The following GKN1 variants were observed in gnomAD, a reference collection of about 807,000 sequenced individuals.
GKN1 encodes the protein gastrokine 1, also known as gastrokine-1.
A neutral mutation model predicts 19.7 loss-of-function variants in GKN1; 17 were observed. The ratio of observed to expected loss-of-function variants is 0.86; its 90% CI spans 0.59 to 1.29. GKN1 has a LOEUF of 1.29. GKN1 is among the 50% of genes most tolerant of loss of function. The probability of loss-of-function intolerance (pLI) is 0.00; values close to 1 mark genes in which losing one functional copy is unlikely to be tolerated. For synonymous variants in GKN1, 96 were observed against 78.3 expected (o/e 1.23, Z -1.20); for missense variants, 218 against 224.5 (o/e 0.97, Z 0.19).
chr2:68,977,927 G>T lies in GKN1; in HGVS notation c.204+153G>T. The T allele has an allele frequency of 4.7e-6, 3 of 642,418 alleles. No individual in the cohort carries two copies. The South Asian group carries it at 5.9e-5, about 13-fold the overall frequency. 39.8% of individuals were successfully genotyped at this position (642,418 alleles called of 1,614,324 possible). A position where few individuals can be genotyped will look rare whatever the true frequency, so the allele number is the denominator to read the frequency against. On this transcript the variant is annotated intron_variant, in intron 3 of 5. Coordinates refer to ENST00000377938, the MANE Select transcript of GKN1 (RefSeq NM_019617.4). ...GTAAAGGTGACCATTTTGCTCATCC[G>T]ATTTTGTTCCCTAGAGATAACTACT...
chr2:68,977,447 A>G, intron 1 of GKN1, 48 bp from the exon 2 acceptor site: 1 of 1,207,058 alleles, frequency 8.3e-7, no homozygotes, highest in Non-Finnish European at 1.2e-6. Context: ...AAGAAAGAAG[A>G]CATCATTTTG....
At chr2:68,975,744 C>A (rs577630111) in intron 1 of GKN1, among the ~76,000 whole-genome samples, 1 of 152,138 alleles carries the variant, frequency 6.6e-6, no homozygotes, top group Admixed American at 6.5e-5. Flanking sequence ...ACTCACTTAA[C>A]CCCTGAAGCT....
chr2:68,980,197 C>A, intron 5 of GKN1, 137 bp downstream of exon 5: 1 of 726,112 alleles, frequency 1.4e-6, no homozygotes, highest in Non-Finnish European at 2.5e-6. Flanking sequence ...TTGCTCTGTG[C>A]CAGGTACTGT....
Position 68,980,822 on chromosome 2 carries a change from A to G in GKN1, c.557A>G (p.Ter186=), listed in dbSNP as rs1346446353. The change falls in exon 6 of 6, where the codon TAA becomes TGA. Residue 186 remains the stop codon, a stop_retained_variant. Transcript: ENST00000377938. ...TTCTGTGGAGACACGGTGGAGAACT[A>G]AACAATTTTTTAAAGCCACTATGGA... is the stretch of plus-strand genomic sequence containing the variant. ...ISFCGDTVEN[*] 6.1e-6 allele frequency: 9 copies of G among 1,476,598 alleles called. No individual in the cohort carries two copies. Among genetic ancestry groups the G allele is most frequent in the Non-Finnish European group, 8.5e-6 (9 of 1,054,690 alleles). 91.5% of individuals were successfully genotyped at this position (1,476,598 alleles called of 1,614,324 possible).
At chr2:68,975,744 C>T (rs577630111) in intron 1 of GKN1, among the ~76,000 whole-genome samples, 2 of 152,256 alleles carry the variant, frequency 1.3e-5, no homozygotes, top group East Asian at 1.9e-4. Flanking sequence ...ACTCACTTAA[C>T]CCCTGAAGCT....
intron 4 of GKN1, 151 bp from the exon 5 acceptor site, chr2:68,979,762 C>A (rs1334705616): frequency 3.2e-6 from 2 of 625,542 alleles, no homozygotes. Flanking sequence ...ACAGAATAAG[C>A]TAGAAATGGC....
At chr2:68,975,858 A>G (rs1423288039) in intron 1 of GKN1, among the ~76,000 whole-genome samples, 1 of 152,150 alleles carries the variant, frequency 6.6e-6, no homozygotes, top group Non-Finnish European at 1.5e-5. Context: ...TTTTTAAGCT[A>G]TTGGGAGAAA....
chr2:68,974,978 T>A (rs1472563683), intron 1 of GKN1, among the ~76,000 whole-genome samples: 1 of 148,754 alleles, frequency 6.7e-6, no homozygotes, highest in African/African-American at 2.4e-5. Flanking sequence ...TATCCCTTTT[T>A]TTTAGAAGAA....
In GKN1 at chr2:68,977,710, A is replaced by C; in HGVS notation, c.140A>C (p.Asn47Thr). Residue 47 changes from asparagine to threonine, a missense_variant, in exon 3 of 6, where the codon AAT becomes ACT. By Grantham distance (65) the Asn-to-Thr change is moderately conservative. Coordinates refer to ENST00000377938, the MANE Select transcript of GKN1 (RefSeq NM_019617.4). ...TCAGTGAGTGTCAACAATGAACACA[A>C]TGTGGCCAATGTTGACAATAACAAC... ...QQSVSVNNEH[N>T]VANVDNNNGW... 1 of 1,604,182 alleles carries C rather than the reference A, an allele frequency of 6.2e-7. No individual in the cohort carries two copies.
At chr2:68,978,237 A>G (rs58409886) in intron 3 of GKN1, 1 of 149,184 alleles carries the variant, frequency 6.7e-6, no homozygotes, top group South Asian at 2.2e-4. Context: ...AAGAAGAAAG[A>G]AAGAAGGAAG....
chr2:68,978,239 A>AGAAG (rs1168747344), intron 3 of GKN1: 1 of 144,722 alleles, frequency 6.9e-6, no homozygotes, highest in African/African-American at 2.8e-5. Context: ...GAAGAAAGAA[A>AGAAG]GAAGGAAGGA....
intron 4 of GKN1, 85 bp from the exon 5 acceptor site, chr2:68,979,828 C>T (rs1036722183): frequency 2.2e-5 from 25 of 1,116,212 alleles, no homozygotes; most frequent in Middle Eastern, 2.0e-4. Flanking sequence ...CTGTTGGCCT[C>T]GTATACCCCT....
chr2:68,975,737 CACTT>C (rs1462998522), intron 1 of GKN1, among the ~76,000 whole-genome samples: 4 of 152,166 alleles, frequency 2.6e-5, no homozygotes, highest in African/African-American at 7.2e-5. Context: ...TTGGCCAACT[CACTT>C]AACCCCTGAA....
rs377278217 is a variant in GKN1 at position 68,977,787 on chromosome 2, C to A, written c.204+13C>A. 1 of 1,591,240 alleles carries A rather than the reference C, an allele frequency of 6.3e-7. No individual in the cohort carries two copies. The highest frequency in any genetic ancestry group is 1.3e-5 in the African/African-American group (1 of 74,588). On this transcript the variant is annotated intron_variant, in intron 3 of 5. Coordinates refer to ENST00000377938, the MANE Select transcript of GKN1 (RefSeq NM_019617.4). ...GGATTATGGAAATGTAGGTAGTCAACGTGCAATTTTCACTTTATTGTTTAA... is the reference window on the plus strand; with the variant it reads ...GGATTATGGAAATGTAGGTAGTCAAAGTGCAATTTTCACTTTATTGTTTAA...
chr2:68,979,832 T>C (rs1490607961), intron 4 of GKN1, 81 bp from the exon 5 acceptor site: 7 of 1,162,896 alleles, frequency 6.0e-6, no homozygotes, highest in African/African-American at 3.0e-5. Flanking sequence ...TGGCCTCGTA[T>C]ACCCCTCAAG....
At chr2:68,978,306 G>GAAAGAAAGAAAGAGAGAA (rs1558715344) in intron 3 of GKN1, among the ~76,000 whole-genome samples, 24 of 127,744 alleles carry the variant, frequency 1.9e-4, no homozygotes, top group African/African-American at 7.4e-4. Context: ...GAGAGAGAAA[G>GAAAGAAAGAAAGAGAGAA]AAAGAAAAAG....
intron 1 of GKN1, among the ~76,000 whole-genome samples, chr2:68,975,946 G>T (rs1380033672): frequency 1.3e-5 from 2 of 152,062 alleles, no homozygotes; most frequent in African/African-American, 4.8e-5. Context: ...CAAAGGAAAT[G>T]AGACTAGGTA....
At chr2:68,977,982 T>C in intron 3 of GKN1, 1 of 561,642 alleles carries the variant, frequency 1.8e-6, no homozygotes, top group South Asian at 2.2e-5. Flanking sequence ...TCAGTTAAAA[T>C]TCAAACCAAC....
At chr2:68,979,374 T>C (rs1670324408) in intron 4 of GKN1, among the ~76,000 whole-genome samples, 1 of 152,232 alleles carries the variant, frequency 6.6e-6, no homozygotes, top group Non-Finnish European at 1.5e-5. Context: ...TAGTATAATA[T>C]ATCCTATGCA....
Sources: gnomAD v4.1 joint callset for allele counts (sites outside exome capture counted in the v4.1 genomes callset) on GRCh38, gnomAD v4.1.1 for gene constraint, MANE v1.5 for transcripts, NCBI Gene and HGNC (gene_info 2026-07-23, HGNC 2026-07-21) for gene names.